REST: variants seen among roughly 807,000 people sequenced by gnomAD.
REST encodes the protein RE1 silencing transcription factor.
A neutral mutation model predicts 30.4 loss-of-function variants in REST; 1 was observed. The ratio of observed to expected loss-of-function variants is 0.03; its 90% confidence interval spans 0.01 to 0.16. The LOEUF is 0.16. REST is among the 10% of genes least tolerant of loss of function. The pLI is 1.00. For synonymous variants in REST, 504 were observed against 451.1 expected (o/e 1.12, Z -1.49); for missense variants, 1,259 against 1,329.5 (o/e 0.95, Z 0.82).
chr4:56,917,456 T>G (rs1011789335), intron 2 of REST, among the ~76,000 whole-genome samples: 61 of 152,000 alleles, frequency 4.0e-4, no homozygotes, highest in African/African-American at 1.4e-3. Context: ...AGTGCTGGGA[T>G]TACAGGCATG....
chr4:56,912,666 C>T (rs1236759440), intron 2 of REST, among the ~76,000 whole-genome samples: 10 of 152,160 alleles, frequency 6.6e-5, no homozygotes, highest in Non-Finnish European at 8.8e-5. Context: ...AGGTGCCCAC[C>T]ACCACACCCA....
intron 3 of REST, among the ~76,000 whole-genome samples, chr4:56,929,494 A>C (rs1307137843): frequency 7.6e-6 from 1 of 131,766 alleles, no homozygotes; most frequent in East Asian, 2.1e-4. Context: ...AACTAAACAC[A>C]CAAAAAAATT....
intron 2 of REST, among the ~76,000 whole-genome samples, chr4:56,916,203 CTTTAG>C (rs1276503303): frequency 3.9e-5 from 6 of 152,268 alleles, no homozygotes; most frequent in Non-Finnish European, 7.4e-5. Flanking sequence ...TGGTTGACCT[CTTTAG>C]TTTAGTGGTT....
chr4:56,914,487 C>T (rs751134991), intron 2 of REST, among the ~76,000 whole-genome samples: 1 of 152,014 alleles, frequency 6.6e-6, no homozygotes, highest in South Asian at 2.1e-4. Context: ...TGAAACCATT[C>T]GATTTCAGAA....
At chr4:56,918,967 A>T in intron 2 of REST, among the ~76,000 whole-genome samples, 1 of 148,252 alleles carries the variant, frequency 6.7e-6, no homozygotes, top group Middle Eastern at 3.6e-3. Context: ...CACAATCCCC[A>T]TGCTCAGCCC....
At chr4:56,921,327 C>T (rs1720441462) in intron 3 of REST, among the ~76,000 whole-genome samples, 1 of 152,174 alleles carries the variant, frequency 6.6e-6, no homozygotes, top group South Asian at 2.1e-4. Context: ...CCACATGTGG[C>T]TATTAAGCTT....
chr4:56,921,413 A>AT (rs1257061330), intron 3 of REST, among the ~76,000 whole-genome samples: 2 of 151,446 alleles, frequency 1.3e-5, no homozygotes, highest in Non-Finnish European at 2.9e-5. Flanking sequence ...TTTTATTATT[A>AT]TTTTTTTTCT....
intron 3 of REST, among the ~76,000 whole-genome samples, chr4:56,928,089 G>A (rs1720792071): frequency 6.6e-6 from 1 of 152,116 alleles, no homozygotes; most frequent in Non-Finnish European, 1.5e-5. Context: ...AGGGTGGAGG[G>A]AGTATGGGAA....
chr4:56,933,692 T>TGTAGC lies in REST; in HGVS notation c.*1544_*1545insCGTAG, dbSNP rs1160515230. On this transcript the variant is annotated 3_prime_UTR_variant, in exon 4 of 4. Transcript: ENST00000309042. ...AAGGGCATGTACTCCAAAACATTTT[T>TGTAGC]GTAGGTTCTTTGGCCAGTTGCCAAA... 1 of 152,200 alleles carries TGTAGC rather than the reference T, an allele frequency of 6.6e-6. No individual in the cohort carries two copies. The highest frequency in any genetic ancestry group is 1.5e-5 in the Non-Finnish European group (1 of 68,028). 9.4% of individuals were successfully genotyped at this position (152,200 alleles called of 1,614,324 possible). A position where few individuals can be genotyped will look rare whatever the true frequency, so the allele number is the denominator to read the frequency against.
intron 2 of REST, among the ~76,000 whole-genome samples, chr4:56,916,552 A>C (rs2109538232): frequency 6.6e-6 from 1 of 152,070 alleles, no homozygotes; most frequent in East Asian, 1.9e-4. Context: ...CAGGAGAATC[A>C]CTTGAACCCA....
intron 2 of REST, among the ~76,000 whole-genome samples, chr4:56,917,124 A>C (rs1244741760): frequency 3.3e-5 from 5 of 152,192 alleles, no homozygotes; most frequent in Non-Finnish European, 1.5e-5. Context: ...GATAATGTTC[A>C]TCTTTTCATG....
rs190886172 is a variant in REST at position 56,926,357 on chromosome 4, G to A, written c.983-3484G>A. Among the ~76,000 whole-genome samples the A allele has an allele frequency of 5.1e-4, 77 of 151,858 alleles. 1 individual carries two copies. The South Asian group carries it at 0.014, about 28-fold the overall frequency. ...CAAAGTGCTGGGATTACAGGCGTGA[G>A]CCACTGCGCCCAGCCTTTTTTATTT... On this transcript the variant is annotated intron_variant, in intron 3 of 3. Coordinates refer to ENST00000309042, the MANE Select transcript of REST (RefSeq NM_005612.5).
At chr4:56,913,077 C>T (rs571778093) in intron 2 of REST, among the ~76,000 whole-genome samples, 168 of 152,174 alleles carry the variant, frequency 1.1e-3, no homozygotes, top group African/African-American at 3.9e-3. Flanking sequence ...GGATTATAGG[C>T]GTGAGCCACT....
intron 2 of REST, among the ~76,000 whole-genome samples, chr4:56,917,407 C>T (rs1276295949): frequency 1.3e-5 from 2 of 152,182 alleles, no homozygotes; most frequent in Admixed American, 6.6e-5. Context: ...TCACTGAAGC[C>T]TCGGCCTTCT....
At position 56,933,498 on chromosome 4, in the gene REST, A is replaced by G. The variant is rs1721046363; in HGVS notation, c.*1346A>G. ...GCTGCAACTTTCCTATACAGTGAAAAAGGCTGGTGAAACAAGTACAGTCCA... is the reference window on the plus strand; with the variant it reads ...GCTGCAACTTTCCTATACAGTGAAAGAGGCTGGTGAAACAAGTACAGTCCA... On this transcript the variant is annotated 3_prime_UTR_variant, in exon 4 of 4. Transcript: ENST00000309042. The G allele has an allele frequency of 6.6e-6, 1 of 152,208 alleles. No individual in the cohort carries two copies. The highest frequency in any genetic ancestry group is 1.5e-5 in the Non-Finnish European group (1 of 68,026). The allele number at this position is 152,208 out of a possible 1,614,324, so 9.4% of individuals were successfully genotyped here. A position where few individuals can be genotyped will look rare whatever the true frequency, so the allele number is the denominator to read the frequency against.
Position 56,910,933 on chromosome 4 carries a change from A to G in REST, c.295A>G (p.Ile99Val). ...AGAAGGACTTGAAGAGTCTGCTGAT[A>G]TAAAAGGTGAACCTCATGGACTGGA... ...EGEGLEESADIKGEPHGLENM... is the reference protein window; with the variant it reads ...EGEGLEESADVKGEPHGLENM... Residue 99 changes from isoleucine to valine, a missense_variant, in exon 2 of 4, where the codon ATA (isoleucine) becomes GTA (valine). Ile to Val is a conservative substitution (Grantham distance 29, BLOSUM62 3). Coordinates refer to ENST00000309042, the MANE Select transcript of REST (RefSeq NM_005612.5). 1 of 1,614,228 alleles carries G rather than the reference A, an allele frequency of 6.2e-7. No individual in the cohort carries two copies. Among genetic ancestry groups the G allele is most frequent in the Non-Finnish European group, 8.5e-7 (1 of 1,180,038 alleles).
Position 56,911,295 on chromosome 4 carries a change from C to T in REST, c.657C>T (p.Asp219=), listed in dbSNP as rs1305155376. The change falls in exon 2 of 4, where the codon GAC becomes GAT. Residue 219 remains aspartate, a synonymous_variant. Transcript: ENST00000309042. ...TCTCCAAGGGCCCCATTCGCTGTGA[C>T]CGCTGCGGCTACAATACTAATCGAT... ...GDFSKGPIRC[D]RCGYNTNRYD... 1.2e-6 allele frequency: 2 copies of T among 1,614,058 alleles called. No individual in the cohort carries two copies. The highest frequency in any genetic ancestry group is 1.7e-6 in the Non-Finnish European group (2 of 1,180,050).
chr4:56,928,180 T>C (rs1169892425), intron 3 of REST, among the ~76,000 whole-genome samples: 1 of 152,196 alleles, frequency 6.6e-6, no homozygotes, highest in Non-Finnish European at 1.5e-5. Flanking sequence ...CGATCTTGGC[T>C]CACTGTAATC....
At chr4:56,916,074 C>G (rs1720182522) in intron 2 of REST, among the ~76,000 whole-genome samples, 1 of 149,394 alleles carries the variant, frequency 6.7e-6, no homozygotes. Context: ...GCACTCCAGC[C>G]TGGGGGACAG....
Sources: gnomAD v4.1 joint callset for allele counts (sites outside exome capture counted in the v4.1 genomes callset) on GRCh38, gnomAD v4.1.1 for gene constraint, MANE v1.5 for transcripts, NCBI Gene and HGNC (gene_info 2026-07-23, HGNC 2026-07-21) for gene names.